THPO: variants seen among roughly 807,000 people sequenced by gnomAD.
THPO encodes MPL ligand.
Under a neutral mutation model 17.0 loss-of-function variants are expected in THPO, and 12 were observed. The observed-to-expected ratio is 0.71, with a 90% CI of 0.45 to 1.14. THPO has a LOEUF of 1.14. Among genes scored for constraint, THPO ranks in the 50% most tolerant of loss-of-function variants. The pLI is 0.00. For synonymous variants in THPO, 188 were observed against 183.0 expected, an observed-to-expected ratio of 1.03 and a Z score of -0.22; for missense variants, 365 against 427.5, an observed-to-expected ratio of 0.85 and a Z score of 1.29.
Position 184,375,501 on chromosome 3 carries a change from G to T in THPO, c.228+14C>A, listed in dbSNP as rs759490373. The T allele has an allele frequency of 4.7e-5, 76 of 1,613,130 alleles. No homozygotes were observed. The highest frequency in any genetic ancestry group is 6.3e-5 in the Non-Finnish European group (74 of 1,179,246). ...AGGACTTAGGGAAGCCAAGGTTAGGGATGGCTTTCTTACCATCTGGGTTTT... is the reference window on the plus strand; with the variant it reads ...AGGACTTAGGGAAGCCAAGGTTAGGTATGGCTTTCTTACCATCTGGGTTTT... On this transcript the variant is annotated intron_variant, in intron 4 of 5. Transcript: ENST00000647395.
rs1714405133 is a variant in THPO at position 184,376,391 on chromosome 3, G to A, written c.-132C>T. ...AGGGTGGGGCAAAGGCGGGCCAAGG[G>A]TGAAGAATCTATCCTGAAAGTAGCA... On this transcript the variant is annotated 5_prime_UTR_variant, in exon 2 of 6. Coordinates refer to ENST00000647395, the MANE Select transcript of THPO (RefSeq NM_000460.4). The A allele has an allele frequency of 1.2e-6, 2 of 1,602,672 alleles. No homozygotes were observed. The highest frequency in any genetic ancestry group is 1.7e-6 in the Non-Finnish European group (2 of 1,176,288).
At chr3:184,379,414 T>C (rs1473385838), upstream of THPO, among the ~76,000 whole-genome samples, 1 of 151,982 alleles carries the variant, frequency 6.6e-6, no homozygotes, top group Non-Finnish European at 1.5e-5. Flanking sequence ...AGGGAGATAC[T>C]GTCACTCCAC....
chr3:184,378,486 C>T, upstream of THPO: 2 of 775,864 alleles, frequency 2.6e-6, no homozygotes, highest in Non-Finnish European at 3.1e-6. Flanking sequence ...GGGGTTTTCA[C>T]TCCCTGGCTA....
rs375445076 is a variant in THPO, at chr3:184,373,609, G to A, written c.229-27C>T. ...TGAGAAAGAGATGGAAGAGAGAAGC[G>A]CACTGCCTCAAAGGGCACACTAAAA... On this transcript the variant is annotated intron_variant, in intron 4 of 5. Transcript: ENST00000647395. 1.1e-4 allele frequency: 178 copies of A among 1,612,100 alleles called. No individual in the cohort carries two copies. The East Asian group carries it at 1.2e-3, about 11-fold the overall frequency.
chr3:184,373,343 T>G (rs777692860), intron 5 of THPO, 72 bp downstream of exon 5: 4 of 1,595,132 alleles, frequency 2.5e-6, no homozygotes, highest in Admixed American at 1.7e-5. Context: ...AGAGCCCTTC[T>G]TCCCTCAGGT....
intron 1 of THPO, among the ~76,000 whole-genome samples, chr3:184,377,863 C>T (rs1417032108): frequency 6.6e-6 from 1 of 152,176 alleles, no homozygotes; most frequent in African/African-American, 2.4e-5. Flanking sequence ...TGCTGTATTC[C>T]ACCAAGTAAG....
At chr3:184,373,324 C>T (rs550866276) in intron 5 of THPO, 91 bp downstream of exon 5, 388 of 1,577,552 alleles carry the variant, frequency 2.5e-4, no homozygotes, top group Non-Finnish European at 3.3e-4. Flanking sequence ...TGCCCTTGAG[C>T]TCCCTGGAAG....
chr3:184,379,547 G>A (rs954645321), upstream of THPO, among the ~76,000 whole-genome samples: 1 of 152,072 alleles, frequency 6.6e-6, no homozygotes, highest in African/African-American at 2.4e-5. Context: ...GTGAGGGTTT[G>A]GGGGGCGCTG....
intron 5 of THPO, 83 bp from the exon 6 acceptor site, chr3:184,373,261 C>T (rs1389382889): frequency 6.3e-7 from 1 of 1,587,784 alleles, no homozygotes; most frequent in Non-Finnish European, 8.6e-7. Context: ...GACAGGATGC[C>T]AGTACCCAGG....
chr3:184,372,419 A>G lies in THPO; in HGVS notation c.*94T>C, dbSNP rs1248435837. ...ACCAGGGCTTTGGGTTTCAGGAGAA[A>G]GTAGGAAATCTTGTCCAGTTGTCTC... is the stretch of plus-strand genomic sequence containing the variant. On this transcript the variant is annotated 3_prime_UTR_variant, in exon 6 of 6. Coordinates refer to ENST00000647395, the MANE Select transcript of THPO (RefSeq NM_000460.4). 6.7e-7 allele frequency: 1 copy of G among 1,486,988 alleles called. No homozygotes were observed. Among genetic ancestry groups the G allele is most frequent in the Non-Finnish European group, 9.4e-7 (1 of 1,066,934 alleles). 92.1% of individuals were successfully genotyped at this position (1,486,988 alleles called of 1,614,324 possible).
At chr3:184,379,146 G>A (rs904798854), upstream of THPO, among the ~76,000 whole-genome samples, 1 of 152,128 alleles carries the variant, frequency 6.6e-6, no homozygotes, top group Non-Finnish European at 1.5e-5. Flanking sequence ...TGAGAAGTGT[G>A]GCCTAGATCC....
chr3:184,378,975 G>T (rs767198896), upstream of THPO: 3 of 542,696 alleles, frequency 5.5e-6, no homozygotes. Flanking sequence ...TTTTCCTTTG[G>T]CCCTGGCTCT....
chr3:184,376,879 AAAGC>A (rs1212981099), intron 1 of THPO, among the ~76,000 whole-genome samples: 2 of 151,716 alleles, frequency 1.3e-5, no homozygotes, highest in African/African-American at 4.8e-5. Flanking sequence ...AGAAAGAAAG[AAAGC>A]AAGAAAGCAT....
Position 184,378,169 on chromosome 3 carries a change from T to C in THPO, c.-240A>G, listed in dbSNP as rs1702364534. 1.0e-6 allele frequency: 1 copy of C among 985,330 alleles called. No homozygotes were observed. The highest frequency in any genetic ancestry group is 1.7e-5 in the African/African-American group (1 of 57,226). 61.0% of individuals were successfully genotyped at this position (985,330 alleles called of 1,614,324 possible). A position where few individuals can be genotyped will look rare whatever the true frequency, so the allele number is the denominator to read the frequency against. ...ACATGTGGCGGTGGGGCACAGCCCC[T>C]CCACAGCAGCAGGTCATACGCCTGC... On this transcript the variant is annotated 5_prime_UTR_variant, in exon 1 of 6. Coordinates refer to ENST00000647395, the MANE Select transcript of THPO (RefSeq NM_000460.4).
rs1713962956 is a variant in THPO at position 184,372,400 on chromosome 3, G to C, written c.*113C>G. 3 of 1,306,504 alleles carry C rather than the reference G, an allele frequency of 2.3e-6. No homozygotes were observed. Among genetic ancestry groups the C allele is most frequent in the Non-Finnish European group, 3.3e-6 (3 of 904,222 alleles). The allele number at this position is 1,306,504 out of a possible 1,614,324, so 80.9% of individuals were successfully genotyped here. A position where few individuals can be genotyped will look rare whatever the true frequency, so the allele number is the denominator to read the frequency against. Reference sequence around the variant, plus strand: ...AGTCCTGTGTATCCCTTTTACCAGGGCTTTGGGTTTCAGGAGAAAGTAGGA... The same window carrying C: ...AGTCCTGTGTATCCCTTTTACCAGGCCTTTGGGTTTCAGGAGAAAGTAGGA... On this transcript the variant is annotated 3_prime_UTR_variant, in exon 6 of 6. Transcript: ENST00000647395.
intron 2 of THPO, 110 bp from the exon 3 acceptor site, chr3:184,376,125 C>T (rs1472784350): frequency 6.8e-6 from 11 of 1,612,098 alleles, no homozygotes; most frequent in Non-Finnish European, 8.5e-6. Context: ...ATCCACCCCT[C>T]AGACCCCTTA....
At chr3:184,377,146 G>A (rs1000148320) in intron 1 of THPO, among the ~76,000 whole-genome samples, 2 of 151,968 alleles carry the variant, frequency 1.3e-5, no homozygotes, top group Non-Finnish European at 2.9e-5. Flanking sequence ...GCAAACGGGC[G>A]CAATATGTTG....
chr3:184,375,764 G>A (rs1001551582), intron 3 of THPO, 124 bp downstream of exon 3: 10 of 1,517,210 alleles, frequency 6.6e-6, no homozygotes, highest in Admixed American at 1.7e-5. Context: ...TGATCAGTAG[G>A]TGGGGACAAT....
At chr3:184,378,915 G>A (rs1714713878), upstream of THPO, 1 of 965,036 alleles carries the variant, frequency 1.0e-6, no homozygotes, top group Non-Finnish European at 1.2e-6. Context: ...CCTGTCTTAG[G>A]AAAGACAGCT....
Sources: gnomAD v4.1 joint callset for allele counts (sites outside exome capture counted in the v4.1 genomes callset) on GRCh38, gnomAD v4.1.1 for gene constraint, MANE v1.5 for transcripts, NCBI Gene and HGNC (gene_info 2026-07-23, HGNC 2026-07-21) for gene names.